The following PHF21B variants were observed in gnomAD, a reference collection of about 807,000 sequenced individuals.
PHF21B encodes the protein PHD finger protein 21B, also known as PHD finger protein 4.
In PHF21B, 22 loss-of-function variants were observed where a neutral mutation model predicts 62.2. The observed-to-expected ratio is 0.35, with a 90% CI of 0.25 to 0.51. PHF21B has a LOEUF of 0.51. Ranked by LOEUF, PHF21B falls within the 20% of genes least tolerant of loss-of-function variation. PHF21B has a pLI of 0.97. For synonymous variants in PHF21B, 341 were observed against 314.7 expected (o/e 1.08, Z -0.88); for missense variants, 701 against 707.9 (o/e 0.99, Z 0.11).
intron 2 of PHF21B, among the ~76,000 whole-genome samples, chr22:44,927,677 T>C (rs1362064179): frequency 6.6e-6 from 1 of 152,168 alleles, no homozygotes; most frequent in Non-Finnish European, 1.5e-5. Context: ...CCCGAGTGCG[T>C]TCTTCCACTT....
At chr22:44,945,198 G>A (rs2072042855) in intron 2 of PHF21B, among the ~76,000 whole-genome samples, 1 of 152,206 alleles carries the variant, frequency 6.6e-6, no homozygotes, top group East Asian at 1.9e-4. Flanking sequence ...CCTGGCTCAG[G>A]TGTGACTGTG....
chr22:44,920,559 T>G, intron 2 of PHF21B, 69 bp from the exon 3 acceptor site: 1 of 1,248,312 alleles, frequency 8.0e-7, no homozygotes, highest in Non-Finnish European at 1.1e-6. Flanking sequence ...GCCCCCAGCC[T>G]GGCCAAGCAG....
At chr22:45,008,905 AGT>A (rs1264850636) in intron 1 of PHF21B, 12 of 1,123,494 alleles carry the variant, frequency 1.1e-5, no homozygotes, top group Non-Finnish European at 1.2e-5. Flanking sequence ...TGTGCGAGTG[AGT>A]GTGAGTGTGA....
At chr22:44,966,015 G>A (rs970362919) in intron 2 of PHF21B, among the ~76,000 whole-genome samples, 1 of 152,218 alleles carries the variant, frequency 6.6e-6, no homozygotes, top group Non-Finnish European at 1.5e-5. Flanking sequence ...CCAAGGGAGT[G>A]CTGTGTCTTC....
intron 2 of PHF21B, among the ~76,000 whole-genome samples, chr22:44,975,767 A>C (rs2072726683): frequency 6.6e-6 from 1 of 152,362 alleles, no homozygotes; most frequent in South Asian, 2.1e-4. Context: ...TCTTGGGGCC[A>C]GCGGGTCCTC....
chr22:44,893,624 C>T, intron 6 of PHF21B, 91 bp from the exon 7 acceptor site: 4 of 1,267,054 alleles, frequency 3.2e-6, no homozygotes, highest in Non-Finnish European at 4.4e-6. Context: ...CCACCATCCC[C>T]TCCTGCTCTG....
intron 10 of PHF21B, among the ~76,000 whole-genome samples, chr22:44,886,376 A>G (rs2070858246): frequency 6.9e-6 from 1 of 144,594 alleles, no homozygotes; most frequent in African/African-American, 2.6e-5. Context: ...AGAAAGAAGA[A>G]AAAAGGAAGA....
chr22:44,940,641 G>A (rs899392721), intron 2 of PHF21B, among the ~76,000 whole-genome samples: 1 of 152,188 alleles, frequency 6.6e-6, no homozygotes, highest in Non-Finnish European at 1.5e-5. Context: ...CTCAGACTTT[G>A]GTGGACAAAT....
chr22:44,917,136 G>A (rs2071451688), intron 3 of PHF21B, among the ~76,000 whole-genome samples: 1 of 152,242 alleles, frequency 6.6e-6, no homozygotes, highest in South Asian at 2.1e-4. Flanking sequence ...GAGCCCGCGT[G>A]ACTGCGGCGG....
intron 2 of PHF21B, among the ~76,000 whole-genome samples, chr22:44,959,426 CCTTT>C (rs2072372663): frequency 1.3e-5 from 2 of 152,198 alleles, no homozygotes; most frequent in African/African-American, 4.8e-5. Flanking sequence ...CCTTCCTCCT[CCTTT>C]CTAACTGGTC....
chr22:44,976,393 T>C lies in PHF21B; in HGVS notation c.120+32152A>G, dbSNP rs149729575. 5.3e-5 allele frequency among the ~76,000 whole-genome samples: 8 copies of C among 152,356 alleles called. No homozygotes were observed. In the South Asian group the frequency reaches 1.0e-3, roughly 20 times the overall value. ...ATTGTTAGCACAACAGTCACCCTGC[T>C]GTGCAATGGAACACCAGAACTATTC... On this transcript the variant is annotated intron_variant, in intron 2 of 12. Coordinates refer to ENST00000313237, the MANE Select transcript of PHF21B (RefSeq NM_138415.5).
chr22:44,893,196 C>T (rs1377528765), intron 7 of PHF21B, among the ~76,000 whole-genome samples: 1 of 151,716 alleles, frequency 6.6e-6, no homozygotes, highest in Non-Finnish European at 1.5e-5. Context: ...GCCGGTGTAC[C>T]TCACACGAAG....
chr22:44,967,217 CTTT>C (rs34434030), intron 2 of PHF21B: 8 of 84,716 alleles, frequency 9.4e-5, no homozygotes, highest in Non-Finnish European at 1.4e-4. Flanking sequence ...AGGCCTTTTA[CTTT>C]TTTTTTTTTT....
At chr22:44,956,105 C>A (rs941287925) in intron 2 of PHF21B, among the ~76,000 whole-genome samples, 1 of 152,186 alleles carries the variant, frequency 6.6e-6, no homozygotes, top group Non-Finnish European at 1.5e-5. Context: ...TCCAGCTTGA[C>A]GACACAGCGG....
intron 2 of PHF21B, among the ~76,000 whole-genome samples, chr22:44,982,108 G>T (rs780211384): frequency 6.6e-6 from 1 of 152,248 alleles, no homozygotes; most frequent in South Asian, 2.1e-4. Context: ...TGGCACACAG[G>T]TTCTCTCCTG....
chr22:44,970,406 G>A (rs1416448526), intron 2 of PHF21B, among the ~76,000 whole-genome samples: 2 of 152,234 alleles, frequency 1.3e-5, no homozygotes, highest in African/African-American at 4.8e-5. Context: ...CAGCACCTGT[G>A]CCAGGGGAGG....
intron 2 of PHF21B, among the ~76,000 whole-genome samples, chr22:45,007,905 CCCGGAGGGGGG>C (rs974293793): frequency 3.3e-5 from 5 of 151,766 alleles, no homozygotes; most frequent in Non-Finnish European, 2.9e-5. Flanking sequence ...CCGGAGGGGG[CCCGGAGGGGGG>C]GGAGCGGTCG....
chr22:44,923,443 G>A (rs1021863389), intron 2 of PHF21B, among the ~76,000 whole-genome samples: 44 of 151,744 alleles, frequency 2.9e-4, no homozygotes, highest in Admixed American at 1.4e-3. Context: ...TCTTTGGGAT[G>A]TTAGGTCAGG....
chr22:44,966,401 A>G (rs2072526310), intron 2 of PHF21B, among the ~76,000 whole-genome samples: 1 of 152,214 alleles, frequency 6.6e-6, no homozygotes, highest in African/African-American at 2.4e-5. Context: ...TGGGCCCCCA[A>G]GCCCAGCTCT....
Sources: allele counts gnomAD v4.1 joint callset (sites outside exome capture counted in the v4.1 genomes callset), GRCh38; gene constraint gnomAD v4.1.1; transcripts MANE v1.5; gene names NCBI Gene and HGNC (gene_info 2026-07-23, HGNC 2026-07-21).